ITGBL1: variants seen among roughly 807,000 people sequenced by gnomAD.
ITGBL1 encodes the protein integrin subunit beta like 1.
A neutral mutation model predicts 68.5 loss-of-function variants in ITGBL1; 51 were observed. The ratio of observed to expected loss-of-function variants is 0.74; its 90% CI spans 0.59 to 0.94. The LOEUF (loss-of-function observed/expected upper bound fraction) is 0.94. Among genes scored for constraint, ITGBL1 ranks in the 40% least tolerant of loss-of-function variants. The pLI is 0.00. For synonymous variants in ITGBL1, 209 were observed against 227.3 expected, an observed-to-expected ratio of 0.92 and a Z score of 0.72; for missense variants, 649 against 647.4, an observed-to-expected ratio of 1.00 and a Z score of -0.03.
At chr13:101,511,104 T>G (rs942384864) in intron 2 of ITGBL1, among the ~76,000 whole-genome samples, 4 of 152,228 alleles carry the variant, frequency 2.6e-5, no homozygotes, top group Non-Finnish European at 5.9e-5. Context: ...ATTTCCTAGA[T>G]TTTCTTCTAG....
chr13:101,717,982 T>G (rs945025813), downstream of ITGBL1: 1 of 152,166 alleles, frequency 6.6e-6, no homozygotes, highest in Non-Finnish European at 1.5e-5. Context: ...GCATTTGTTT[T>G]CTCAGAAAAA....
intron 2 of ITGBL1, among the ~76,000 whole-genome samples, chr13:101,550,190 C>T (rs1233625583): frequency 6.6e-6 from 1 of 152,164 alleles, no homozygotes; most frequent in Non-Finnish European, 1.5e-5. Context: ...AACATAGGCC[C>T]TGACTAATTT....
rs192465270 is a variant in ITGBL1 at position 101,490,834 on chromosome 13, A to G, written c.316+36734A>G. Among the ~76,000 whole-genome samples the G allele has an allele frequency of 2.6e-4, 39 of 152,302 alleles. No homozygotes were observed. The East Asian group carries it at 7.3e-3, about 29-fold the overall frequency. ...AGAGAAGGGGCAGAGTTTCTGGTTC[A>G]TTTGAGAAATCATGGCTGAATAACA... On this transcript the variant is annotated intron_variant, in intron 2 of 10. Transcript: ENST00000376180.
chr13:101,482,101 T>C (rs1478453512), intron 2 of ITGBL1, among the ~76,000 whole-genome samples: 1 of 152,200 alleles, frequency 6.6e-6, no homozygotes, highest in Non-Finnish European at 1.5e-5. Flanking sequence ...TGAGCATGTA[T>C]TAGCCGAGAA....
intron 2 of ITGBL1, among the ~76,000 whole-genome samples, chr13:101,556,861 A>G (rs1183655499): frequency 6.6e-6 from 1 of 152,164 alleles, no homozygotes; most frequent in Non-Finnish European, 1.5e-5. Context: ...GAGTCTCCAG[A>G]AATATGAGAC....
At chr13:101,494,463 C>CTT (rs1377367127) in intron 2 of ITGBL1, among the ~76,000 whole-genome samples, 3 of 152,138 alleles carry the variant, frequency 2.0e-5, no homozygotes, top group African/African-American at 7.2e-5. Flanking sequence ...CAAAGACACA[C>CTT]TTGTATACAA....
intron 7 of ITGBL1, among the ~76,000 whole-genome samples, chr13:101,655,688 C>G (rs2032898651): frequency 6.6e-6 from 1 of 152,182 alleles, no homozygotes; most frequent in Non-Finnish European, 1.5e-5. Flanking sequence ...ATTTGCTTCT[C>G]CATTGTTAAA....
At chr13:101,471,566 GTGTATA>G (rs1465198678) in intron 2 of ITGBL1, among the ~76,000 whole-genome samples, 1 of 141,644 alleles carries the variant, frequency 7.1e-6, no homozygotes, top group Non-Finnish European at 1.5e-5. Flanking sequence ...GTGTGTGTGT[GTGTATA>G]TATATTTCTC....
rs1034824394 is a variant in ITGBL1, at chr13:101,453,962, G to A, written c.178G>A (p.Ala60Thr). The A allele has an allele frequency of 4.0e-6, 6 of 1,510,366 alleles. No homozygotes were observed. Among genetic ancestry groups the A allele is most frequent in the Non-Finnish European group, 5.3e-6 (6 of 1,125,314 alleles). The allele number at this position is 1,510,366 out of a possible 1,614,324, so 93.6% of individuals were successfully genotyped here. A position where few individuals can be genotyped will look rare whatever the true frequency, so the allele number is the denominator to read the frequency against. The stretch of plus-strand genomic sequence containing the variant: ...CCGCGCACCTGGGCAGCCCCCGGGG[G>A]CCGCGCTGTGCCACGGCCGGGGCCG... ...RCRAPGQPPGAALCHGRGRCD... is the reference protein window; with the variant it reads ...RCRAPGQPPGTALCHGRGRCD... Residue 60 changes from alanine (A) to threonine (T), a missense_variant, in exon 2 of 11, where the codon GCC (alanine) becomes ACC (threonine). By Grantham distance (58) the Ala-to-Thr change is moderately conservative (BLOSUM62 0). Coordinates refer to ENST00000376180, the MANE Select transcript of ITGBL1 (RefSeq NM_004791.3).
chr13:101,607,528 A>G (rs952883411), intron 7 of ITGBL1, among the ~76,000 whole-genome samples: 7 of 151,992 alleles, frequency 4.6e-5, no homozygotes, highest in African/African-American at 1.7e-4. Flanking sequence ...TTCAAGTTCT[A>G]AATGCCATAA....
intron 7 of ITGBL1, among the ~76,000 whole-genome samples, chr13:101,619,977 T>C (rs570831330): frequency 4.6e-5 from 7 of 152,286 alleles, no homozygotes; most frequent in African/African-American, 1.4e-4. Context: ...TCTTACAATT[T>C]ATTCCATGTT....
At chr13:101,524,759 G>A (rs2049345756) in intron 2 of ITGBL1, among the ~76,000 whole-genome samples, 1 of 150,618 alleles carries the variant, frequency 6.6e-6, no homozygotes, top group Admixed American at 6.6e-5. Flanking sequence ...ACATTTATTT[G>A]GGAAAGATAT....
In ITGBL1 at chr13:101,624,770, G is replaced by A. The variant is rs145854653; in HGVS notation, c.1015+26471G>A. On this transcript the variant is annotated intron_variant, in intron 7 of 10. Transcript: ENST00000376180. ...CTTTGTTGATGAGTGCTTCCGGAAG[G>A]TGAAGGAGAACCTCCCCATCAGGGG... Among the ~76,000 whole-genome samples the A allele has an allele frequency of 5.3e-5, 8 of 152,310 alleles. No individual in the cohort carries two copies. In the East Asian group the frequency reaches 1.5e-3, roughly 29 times the overall value.
At position 101,604,887 on chromosome 13, in the gene ITGBL1, T is replaced by TATATATATACACACAC; in HGVS notation, c.1015+6589_1015+6590insTATATATACACACACA. On this transcript the variant is annotated intron_variant, in intron 7 of 10. Coordinates refer to ENST00000376180, the MANE Select transcript of ITGBL1 (RefSeq NM_004791.3). The stretch of plus-strand genomic sequence containing the variant: ...ATATATATATATATATATATATATA[T>TATATATATACACACAC]ACACACACACACACATATATATGTG... Among the ~76,000 whole-genome samples the TATATATATACACACAC allele has an allele frequency of 2.3e-3, 50 of 22,162 alleles. 4 individuals carry two copies. The highest frequency in any genetic ancestry group is 6.9e-3 in the African/African-American group (46 of 6,636). The allele number at this position is 22,162 out of a possible 152,430, so 14.5% of individuals were successfully genotyped here.
chr13:101,566,659 C>T (rs1422414385), intron 2 of ITGBL1, among the ~76,000 whole-genome samples: 4 of 152,122 alleles, frequency 2.6e-5, no homozygotes, highest in South Asian at 4.1e-4. Context: ...CCATCTGGAC[C>T]TTATCCCTTG....
chr13:101,696,605 C>T (rs565468270), intron 8 of ITGBL1, among the ~76,000 whole-genome samples: 14 of 152,066 alleles, frequency 9.2e-5, no homozygotes, highest in African/African-American at 1.7e-4. Flanking sequence ...CAAATTACCT[C>T]CTATAGGAAG....
At chr13:101,652,708 G>C (rs2032788893) in intron 7 of ITGBL1, among the ~76,000 whole-genome samples, 1 of 152,182 alleles carries the variant, frequency 6.6e-6, no homozygotes, top group African/African-American at 2.4e-5. Context: ...AAGACTGGAA[G>C]AAGGTTCAAG....
At chr13:101,594,810 A>G (rs2050715367) in intron 6 of ITGBL1, among the ~76,000 whole-genome samples, 1 of 152,232 alleles carries the variant, frequency 6.6e-6, no homozygotes, top group Non-Finnish European at 1.5e-5. Context: ...ATGGTGGCTC[A>G]TGCCTGTAAT....
chr13:101,466,843 A>G (rs2048388446), intron 2 of ITGBL1, among the ~76,000 whole-genome samples: 2 of 152,208 alleles, frequency 1.3e-5, no homozygotes, highest in African/African-American at 4.8e-5. Flanking sequence ...ACCCGAAGGA[A>G]GGACTCCTTT....
Sources: gnomAD v4.1 joint callset for allele counts (sites outside exome capture counted in the v4.1 genomes callset) on GRCh38, gnomAD v4.1.1 for gene constraint, MANE v1.5 for transcripts, NCBI Gene and HGNC (gene_info 2026-07-23, HGNC 2026-07-21) for gene names.